Variants in MAPK1IP1L observed in about 807,000 individuals in gnomAD.
MAPK1IP1L encodes the protein MAPK-interacting and spindle-stabilizing protein-like.
Under a neutral mutation model 18.1 loss-of-function variants are expected in MAPK1IP1L, and 10 were observed. The observed-to-expected ratio is 0.55, with a 90% confidence interval of 0.34 to 0.94. The LOEUF is 0.94. MAPK1IP1L is among the 40% of genes least tolerant of loss of function. MAPK1IP1L has a pLI of 0.02. For missense variants in MAPK1IP1L, 260 were observed against 318.2 expected (o/e 0.82, Z 1.39); for synonymous variants, 115 against 117.3 (o/e 0.98, Z 0.13).
chr14:55,063,102 A>G lies in MAPK1IP1L; in HGVS notation c.503A>G (p.Tyr168Cys). ...CAGTATCCTACCCCTAATATGCCAT[A>G]TCCATCTCCAGGCCCATATCCCGCT... ...GGQYPTPNMP[Y>C]PSPGPYPAPP... Residue 168 changes from tyrosine (Y) to cysteine (C), a missense_variant, in exon 3 of 4, where the codon TAT becomes TGT. Tyr to Cys is a radical substitution (Grantham distance 194, BLOSUM62 -2). Coordinates refer to ENST00000395468, the MANE Select transcript of MAPK1IP1L (RefSeq NM_144578.4). The G allele has an allele frequency of 6.2e-7, 1 of 1,613,188 alleles. No individual in the cohort carries two copies. Among genetic ancestry groups the G allele is most frequent in the East Asian group, 2.2e-5 (1 of 44,854 alleles).
rs2042855610 is a variant in MAPK1IP1L, at chr14:55,065,541, C to T, written c.*914C>T. ...GCAGCTCTTTTGCCCAGAGCGTTCC[C>T]TGTAGCCACCCCCACCCCACTTGCC... is the stretch of plus-strand genomic sequence containing the variant. On this transcript the variant is annotated 3_prime_UTR_variant, in exon 4 of 4. Transcript: ENST00000395468. The T allele has an allele frequency of 6.6e-6, 1 of 152,190 alleles. No individual in the cohort carries two copies. The highest frequency in any genetic ancestry group is 1.9e-4 in the East Asian group (1 of 5,210). The allele number at this position is 152,190 out of a possible 1,614,324, so 9.4% of individuals were successfully genotyped here.
rs367885330 is a variant in MAPK1IP1L at position 55,056,735 on chromosome 14, TC to T, written c.-5+4934del. ...CTTGTTAGCCAGGATGGTCTCAATC[TC>T]CTGACTTCGTGATCCGCCCTCCTCG... On this transcript the variant is annotated intron_variant, in intron 1 of 3. Coordinates refer to ENST00000395468, the MANE Select transcript of MAPK1IP1L (RefSeq NM_144578.4). 6.2e-3 allele frequency among the ~76,000 whole-genome samples: 940 copies of T among 152,274 alleles called. 21 individuals carry two copies. Among genetic ancestry groups the T allele is most frequent in the South Asian group, 0.045 (216 of 4,824 alleles).
At chr14:55,054,472 T>C (rs892223234) in intron 1 of MAPK1IP1L, among the ~76,000 whole-genome samples, 1 of 152,166 alleles carries the variant, frequency 6.6e-6, no homozygotes, top group African/African-American at 2.4e-5. Flanking sequence ...ACGATACATA[T>C]CATCCCCCCA....
Position 55,051,753 on chromosome 14 carries a change from C to T in MAPK1IP1L, c.-55C>T, listed in dbSNP as rs772739306. ...CGCCCGCGTCTTCAGGGCCCAGTCC[C>T]TCGGACCCATCGCCGCTTCTAGACC... On this transcript the variant is annotated 5_prime_UTR_variant, in exon 1 of 4. Transcript: ENST00000395468. The T allele has an allele frequency of 1.9e-6, 1 of 514,736 alleles. No individual in the cohort carries two copies. Among genetic ancestry groups the T allele is most frequent in the Non-Finnish European group, 3.9e-6 (1 of 258,888 alleles). The allele number at this position is 514,736 out of a possible 1,614,324, so 31.9% of individuals were successfully genotyped here. A position where few individuals can be genotyped will look rare whatever the true frequency, so the allele number is the denominator to read the frequency against.
chr14:55,063,509 T>C (rs1172100333), intron 3 of MAPK1IP1L, among the ~76,000 whole-genome samples, 184 bp downstream of exon 3: 1 of 152,122 alleles, frequency 6.6e-6, no homozygotes, highest in Non-Finnish European at 1.5e-5. Flanking sequence ...AGCACTGTTT[T>C]AAGTATTCCT....
chr14:55,051,987 C>G (rs564780831), intron 1 of MAPK1IP1L, among the ~76,000 whole-genome samples, 184 bp downstream of exon 1: 1 of 152,284 alleles, frequency 6.6e-6, no homozygotes, highest in Admixed American at 6.5e-5. Context: ...GGTCGCCTTC[C>G]TCCACGCTGC....
intron 1 of MAPK1IP1L, among the ~76,000 whole-genome samples, chr14:55,059,098 A>G (rs1249078718): frequency 6.6e-6 from 1 of 151,624 alleles, no homozygotes; most frequent in Non-Finnish European, 1.5e-5. Flanking sequence ...GAACGAGATG[A>G]TTTGACATTT....
intron 1 of MAPK1IP1L, among the ~76,000 whole-genome samples, chr14:55,057,455 T>G (rs1379729299): frequency 6.6e-6 from 1 of 152,116 alleles, no homozygotes; most frequent in Non-Finnish European, 1.5e-5. Flanking sequence ...CCAAAACACT[T>G]CTAGTATTAA....
rs1238292755 is a variant in MAPK1IP1L, at chr14:55,068,814, C to A, written c.*4187C>A. ...ACATCTGAGTCATTTATTCAGTAGA[C>A]AATATGTCCTTGATCCAGGTTCTTT... On this transcript the variant is annotated 3_prime_UTR_variant, in exon 4 of 4. Transcript: ENST00000395468. 1 of 152,178 alleles carries A rather than the reference C, an allele frequency of 6.6e-6. No homozygotes were observed. Among genetic ancestry groups the A allele is most frequent in the Non-Finnish European group, 1.5e-5 (1 of 68,024 alleles). 9.4% of individuals were successfully genotyped at this position (152,178 alleles called of 1,614,324 possible). A position where few individuals can be genotyped will look rare whatever the true frequency, so the allele number is the denominator to read the frequency against.
rs371260714 is a variant in MAPK1IP1L, at chr14:55,055,561, A to G, written c.-5+3758A>G. 2.2e-4 allele frequency among the ~76,000 whole-genome samples: 34 copies of G among 152,296 alleles called. No individual in the cohort carries two copies. In the East Asian group the frequency reaches 5.6e-3, roughly 25 times the overall value. On this transcript the variant is annotated intron_variant, in intron 1 of 3. Coordinates refer to ENST00000395468, the MANE Select transcript of MAPK1IP1L (RefSeq NM_144578.4). ...CGTATACAGCATGGATACACTGGACAAAGGGATGATTCACGTCCTAGGCAG... is the reference window on the plus strand; with the variant it reads ...CGTATACAGCATGGATACACTGGACGAAGGGATGATTCACGTCCTAGGCAG...
At chr14:55,052,739 T>C (rs907994776) in intron 1 of MAPK1IP1L, among the ~76,000 whole-genome samples, 2 of 152,264 alleles carry the variant, frequency 1.3e-5, no homozygotes, top group South Asian at 2.1e-4. Flanking sequence ...GGGGGAAGAA[T>C]AGAAATTTTT....
rs1400949325 is a variant in MAPK1IP1L at position 55,068,123 on chromosome 14, TATTG to T, written c.*3500_*3503del. ...CAGCCCTATTTTGTGTAAAGTAATA[TATTG>T]ATTATTCAGAAATAGACAATACATT... On this transcript the variant is annotated 3_prime_UTR_variant, in exon 4 of 4. Coordinates refer to ENST00000395468, the MANE Select transcript of MAPK1IP1L (RefSeq NM_144578.4). 6 of 152,230 alleles carry T rather than the reference TATTG, an allele frequency of 3.9e-5. No individual in the cohort carries two copies. The highest frequency in any genetic ancestry group is 3.9e-4 in the Admixed American group (6 of 15,278). The allele number at this position is 152,230 out of a possible 1,614,324, so 9.4% of individuals were successfully genotyped here.
chr14:55,059,542 C>T (rs2140259459), intron 1 of MAPK1IP1L, among the ~76,000 whole-genome samples: 1 of 152,282 alleles, frequency 6.6e-6, no homozygotes, highest in East Asian at 1.9e-4. Flanking sequence ...GGTGCCACTG[C>T]ACTCTGGCCA....
rs375878355 is a variant in MAPK1IP1L, at chr14:55,051,714, C to A, written c.-94C>A. ...CTGTTGCCGCCGCTGCTCTAGCTGC[C>A]GTCAGTCAGGCTGCGCCCGCGTCTT... On this transcript the variant is annotated 5_prime_UTR_variant, in exon 1 of 4. Coordinates refer to ENST00000395468, the MANE Select transcript of MAPK1IP1L (RefSeq NM_144578.4). 2.1e-5 allele frequency: 11 copies of A among 516,314 alleles called. No individual in the cohort carries two copies. The highest frequency in any genetic ancestry group is 1.5e-4 in the African/African-American group (8 of 51,670). The allele number at this position is 516,314 out of a possible 1,614,324, so 32.0% of individuals were successfully genotyped here.
At position 55,070,009 on chromosome 14, in the gene MAPK1IP1L, G is replaced by A. The variant is rs1431865937; in HGVS notation, c.*5382G>A. The A allele has an allele frequency of 6.6e-6, 1 of 152,198 alleles. No individual in the cohort carries two copies. Among genetic ancestry groups the A allele is most frequent in the Non-Finnish European group, 1.5e-5 (1 of 68,032 alleles). The allele number at this position is 152,198 out of a possible 1,614,324, so 9.4% of individuals were successfully genotyped here. On this transcript the variant is annotated 3_prime_UTR_variant, in exon 4 of 4. Coordinates refer to ENST00000395468, the MANE Select transcript of MAPK1IP1L (RefSeq NM_144578.4). ...GAACTCCCAATTTCAGTAGGGCAAT[G>A]AATGAATGAATACTTTGCAGTGCTA...
chr14:55,065,613 TGTG>T lies in MAPK1IP1L; in HGVS notation c.*989_*991del, dbSNP rs2042856764. On this transcript the variant is annotated 3_prime_UTR_variant, in exon 4 of 4. Transcript: ENST00000395468. ...CACACATCCCTTGATTCCTCCCTGA[TGTG>T]GTAAACTGGCACACTCCAGGGGTCT... 1 of 152,172 alleles carries T rather than the reference TGTG, an allele frequency of 6.6e-6. No homozygotes were observed. The highest frequency in any genetic ancestry group is 1.5e-5 in the Non-Finnish European group (1 of 68,046). The allele number at this position is 152,172 out of a possible 1,614,324, so 9.4% of individuals were successfully genotyped here.
intron 1 of MAPK1IP1L, among the ~76,000 whole-genome samples, chr14:55,053,775 T>C (rs2042749157): frequency 6.6e-6 from 1 of 152,222 alleles, no homozygotes; most frequent in Non-Finnish European, 1.5e-5. Flanking sequence ...TCTTTCCTTA[T>C]GGTCCTTATG....
chr14:55,064,596 T>G lies in MAPK1IP1L; in HGVS notation c.727-20T>G, dbSNP rs746832827. 6.2e-7 allele frequency: 1 copy of G among 1,612,112 alleles called. No individual in the cohort carries two copies. The highest frequency in any genetic ancestry group is 1.7e-5 in the Admixed American group (1 of 59,820). The stretch of plus-strand genomic sequence containing the variant: ...CATTTGCAAAATCTAGAAGTTGACT[T>G]TTTCTTTTTTCTATTGCAGTCTTAC... On this transcript the variant is annotated intron_variant, in intron 3 of 3. Coordinates refer to ENST00000395468, the MANE Select transcript of MAPK1IP1L (RefSeq NM_144578.4).
At chr14:55,057,748 C>G (rs2042783110) in intron 1 of MAPK1IP1L, among the ~76,000 whole-genome samples, 2 of 149,732 alleles carry the variant, frequency 1.3e-5, no homozygotes, top group South Asian at 4.2e-4. Flanking sequence ...GAGCGAGACT[C>G]CATCTCAAAA....
Sources: allele counts gnomAD v4.1 joint callset (sites outside exome capture counted in the v4.1 genomes callset), GRCh38; gene constraint gnomAD v4.1.1; transcripts MANE v1.5; gene names NCBI Gene and HGNC (gene_info 2026-07-23, HGNC 2026-07-21).